The following SREK1 variants were observed in gnomAD, a reference collection of about 807,000 sequenced individuals.
SREK1 encodes splicing regulatory glutamic acid and lysine rich protein 1.
In SREK1, 13 loss-of-function variants were observed where a neutral mutation model predicts 66.5. That is an observed-to-expected ratio of 0.20 (90% confidence interval 0.13 to 0.31). SREK1 has a LOEUF of 0.31. Among genes scored for constraint, SREK1 ranks in the 10% least tolerant of loss-of-function variants. SREK1 has a pLI of 1.00. For missense variants in SREK1, 607 were observed against 769.6 expected (o/e 0.79, Z 2.50); for synonymous variants, 265 against 263.5 (o/e 1.01, Z -0.05).
At position 66,179,514 on chromosome 5, in the gene SREK1, T is replaced by C. The variant is rs1746340508; in HGVS notation, c.*646T>C. The C allele has an allele frequency of 6.6e-6, 1 of 152,580 alleles. No homozygotes were observed. 9.5% of individuals were successfully genotyped at this position (152,580 alleles called of 1,614,324 possible). A position where few individuals can be genotyped will look rare whatever the true frequency, so the allele number is the denominator to read the frequency against. On this transcript the variant is annotated 3_prime_UTR_variant, in exon 12 of 12. Coordinates refer to ENST00000334121, the MANE Select transcript of SREK1 (RefSeq NM_001077199.3). ...TTAAAAAACTGACAATGCATGCTAC[T>C]GTTCTCTTTCAAAAGGAAGAGCAAC...
chr5:66,176,217 T>C (rs1746041796), intron 10 of SREK1, among the ~76,000 whole-genome samples: 1 of 152,178 alleles, frequency 6.6e-6, no homozygotes, highest in African/African-American at 2.4e-5. Flanking sequence ...GTTGCCTTTG[T>C]CATGTGCTGT....
intron 2 of SREK1, chr5:66,153,891 T>C (rs1233706010): frequency 6.4e-6 from 2 of 312,938 alleles, no homozygotes; most frequent in Non-Finnish European, 1.2e-5. Context: ...ATAATTGATA[T>C]GGGAAATTAT....
chr5:66,178,855 C>T lies in SREK1; in HGVS notation c.1862C>T (p.Thr621Ile). 6.2e-7 allele frequency: 1 copy of T among 1,611,906 alleles called. No homozygotes were observed. The highest frequency in any genetic ancestry group is 8.5e-7 in the Non-Finnish European group (1 of 1,178,536). Residue 621 changes from threonine (T) to isoleucine (I), a missense_variant, in exon 12 of 12, where the codon ACA (threonine) becomes ATA (isoleucine). Coordinates refer to ENST00000334121, the MANE Select transcript of SREK1 (RefSeq NM_001077199.3). ...AATGAAGAAAACCTCTCTACCAAAA[C>T]AGAAGCAGTATAGGACCGACAAGTG... ...QLNEENLSTKTEAV is the reference protein window; with the variant it reads ...QLNEENLSTKIEAV
At position 66,144,389 on chromosome 5, in the gene SREK1, G is replaced by A. The variant is rs1363193003; in HGVS notation, c.13G>A (p.Gly5Ser). The A allele has an allele frequency of 1.1e-5, 17 of 1,548,502 alleles. No individual in the cohort carries two copies. The highest frequency in any genetic ancestry group is 7.4e-5 in the East Asian group (3 of 40,620). ...CAGCGGGATCGGGATGAACAGCGGC[G>A]GCGGCTTCGGTTTGGGCTTAGGCTT... MNSGGGFGLGLGFGL... is the reference protein window; with the variant it reads MNSGSGFGLGLGFGL... Residue 5 changes from glycine (G) to serine (S), a missense_variant, in exon 1 of 12, where the codon GGC becomes AGC. Coordinates refer to ENST00000334121, the MANE Select transcript of SREK1 (RefSeq NM_001077199.3).
intron 1 of SREK1, among the ~76,000 whole-genome samples, chr5:66,150,965 C>G (rs1242592818): frequency 1.3e-5 from 2 of 151,976 alleles, no homozygotes; most frequent in African/African-American, 4.8e-5. Context: ...CTCAGCCTCC[C>G]AAGTAGCTGG....
chr5:66,171,965 T>C (rs1459729474), intron 9 of SREK1, among the ~76,000 whole-genome samples: 1 of 152,234 alleles, frequency 6.6e-6, no homozygotes, highest in African/African-American at 2.4e-5. Flanking sequence ...GCCCTTTTCC[T>C]TTATTTTAGA....
intron 9 of SREK1, among the ~76,000 whole-genome samples, 191 bp downstream of exon 9, chr5:66,171,138 T>G (rs1232132140): frequency 6.6e-6 from 1 of 152,166 alleles, no homozygotes; most frequent in African/African-American, 2.4e-5. Context: ...GGCAACATTA[T>G]TTGAAGAGTT....
At chr5:66,160,070 CA>C (rs911283764) in intron 3 of SREK1, among the ~76,000 whole-genome samples, 12 of 151,554 alleles carry the variant, frequency 7.9e-5, no homozygotes, top group African/African-American at 2.9e-4. Context: ...GCGGAGCTTG[CA>C]GTGAGCGAAG....
chr5:66,153,889 T>TA (rs1744062993), intron 2 of SREK1: 1 of 311,812 alleles, frequency 3.2e-6, no homozygotes, highest in Admixed American at 5.3e-5. Flanking sequence ...AAATAATTGA[T>TA]ATGGGAAATT....
intron 3 of SREK1, among the ~76,000 whole-genome samples, chr5:66,159,883 C>G (rs1053394023): frequency 1.3e-5 from 2 of 152,194 alleles, no homozygotes; most frequent in African/African-American, 4.8e-5. Context: ...GTAATCCCAG[C>G]ACTTTGGGAG....
At chr5:66,172,393 A>G (rs929452697) in intron 9 of SREK1, among the ~76,000 whole-genome samples, 9 of 152,080 alleles carry the variant, frequency 5.9e-5, no homozygotes, top group Non-Finnish European at 1.3e-4. Flanking sequence ...TTCATTCCTA[A>G]ATATATATGT....
At chr5:66,150,861 GAC>G (rs1284323007) in intron 1 of SREK1, among the ~76,000 whole-genome samples, 4 of 151,684 alleles carry the variant, frequency 2.6e-5, no homozygotes, top group African/African-American at 9.7e-5. Context: ...TCTTTTTTGA[GAC>G]ACAGTCTCAC....
At chr5:66,170,401 C>T (rs1408968287) in intron 8 of SREK1, among the ~76,000 whole-genome samples, 184 bp from the exon 9 acceptor site, 2 of 152,086 alleles carry the variant, frequency 1.3e-5, no homozygotes, top group Admixed American at 1.3e-4. Flanking sequence ...CTCAGTTCAG[C>T]TTGCGTAGTA....
At position 66,157,139 on chromosome 5, in the gene SREK1, A is replaced by G. The variant is rs977413306; in HGVS notation, c.296-2080A>G. Reference sequence around the variant, plus strand: ...TAGAATGGTAATTGAAAGTTAATTTATTAAAAAATGTGCTTATAGTGGATT... The same window carrying G: ...TAGAATGGTAATTGAAAGTTAATTTGTTAAAAAATGTGCTTATAGTGGATT... On this transcript the variant is annotated intron_variant, in intron 2 of 11. Transcript: ENST00000334121. 9 of 945,826 alleles carry G rather than the reference A, an allele frequency of 9.5e-6. No homozygotes were observed. In the African/African-American group the frequency reaches 1.4e-4, roughly 15 times the overall value. The allele number at this position is 945,826 out of a possible 1,614,324, so 58.6% of individuals were successfully genotyped here.
In SREK1 at chr5:66,177,559, C is replaced by T. The variant is rs1398127166; in HGVS notation, c.1626C>T (p.Ile542=). ...DKKREKERDH[I]SERRERERST... Reference sequence around the variant, plus strand: ...AGAGAGAAAAAGAAAGGGACCACATCAGTGAAAGAAGAGAGAGAGAACGTT... The same window carrying T: ...AGAGAGAAAAAGAAAGGGACCACATTAGTGAAAGAAGAGAGAGAGAACGTT... The change falls in exon 11 of 12, where the codon ATC becomes ATT. Residue 542 remains isoleucine, a synonymous_variant. Coordinates refer to ENST00000334121, the MANE Select transcript of SREK1 (RefSeq NM_001077199.3). The T allele has an allele frequency of 6.2e-7, 1 of 1,607,562 alleles. No individual in the cohort carries two copies. Among genetic ancestry groups the T allele is most frequent in the Non-Finnish European group, 8.5e-7 (1 of 1,176,252 alleles).
chr5:66,162,461 A>G lies in SREK1; in HGVS notation c.624A>G (p.Glu208=), dbSNP rs140689019. The G allele has an allele frequency of 2.9e-5, 46 of 1,614,012 alleles. No individual in the cohort carries two copies. Among genetic ancestry groups the G allele is most frequent in the Non-Finnish European group, 3.6e-5 (42 of 1,179,980 alleles). The change falls in exon 5 of 12, where the codon GAA becomes GAG. Residue 208 remains glutamate (E), a synonymous_variant. Transcript: ENST00000334121. ...QLLEFFKQVG[E]VKFVRMAGDE... ...TTGAATTTTTTAAACAAGTTGGAGA[A>G]GTGAAGTTTGTGCGGATGGCAGGTG... is the stretch of plus-strand genomic sequence containing the variant.
chr5:66,177,272 A>G (rs1218318900), intron 10 of SREK1: 1 of 330,630 alleles, frequency 3.0e-6, no homozygotes, highest in Non-Finnish European at 5.4e-6. Flanking sequence ...ATAGTGTTTT[A>G]TGAGAACATA....
chr5:66,160,914 T>G (rs1310918352), intron 3 of SREK1, among the ~76,000 whole-genome samples: 1 of 152,210 alleles, frequency 6.6e-6, no homozygotes, highest in Non-Finnish European at 1.5e-5. Context: ...AATTCTGAGA[T>G]CTTACATTTC....
chr5:66,183,316 C>G lies in SREK1; in HGVS notation c.*4448C>G, dbSNP rs1018183988. On this transcript the variant is annotated 3_prime_UTR_variant, in exon 12 of 12. Coordinates refer to ENST00000334121, the MANE Select transcript of SREK1 (RefSeq NM_001077199.3). ...TTTGAGGGTACTGGTAGGTAACACA[C>G]TGTTGGGGAATAAACTAAAGAATTT... The G allele has an allele frequency of 1.3e-5, 2 of 152,138 alleles. No homozygotes were observed. Among genetic ancestry groups the G allele is most frequent in the Admixed American group, 6.5e-5 (1 of 15,274 alleles). The allele number at this position is 152,138 out of a possible 1,614,324, so 9.4% of individuals were successfully genotyped here.
Sources: gnomAD v4.1 joint callset for allele counts (sites outside exome capture counted in the v4.1 genomes callset) on GRCh38, gnomAD v4.1.1 for gene constraint, MANE v1.5 for transcripts, NCBI Gene and HGNC (gene_info 2026-07-23, HGNC 2026-07-21) for gene names.